The following KIAA0513 variants were observed in gnomAD, a reference collection of about 807,000 sequenced individuals.
KIAA0513 encodes KIAA0513.
KIAA0513 carries 39 observed loss-of-function variants against 56.5 expected under a neutral mutation model. That is an observed-to-expected ratio of 0.69 (90% CI 0.53 to 0.90). KIAA0513 has a LOEUF of 0.90. KIAA0513 is among the 40% of genes least tolerant of loss of function. The pLI, the probability that KIAA0513 is intolerant of heterozygous loss-of-function variation, is 0.00. For synonymous variants in KIAA0513, 268 were observed against 215.6 expected (o/e 1.24, Z -2.13); for missense variants, 591 against 535.2 (o/e 1.10, Z -1.03).
chr16:85,077,667 G>T, intron 6 of KIAA0513, 35 bp downstream of exon 6: 1 of 1,514,850 alleles, frequency 6.6e-7, no homozygotes, highest in Non-Finnish European at 9.0e-7. Context: ...CCACCTGCAG[G>T]GGACTGGGGA....
At chr16:85,040,968 C>T (rs1309028211) in intron 1 of KIAA0513, among the ~76,000 whole-genome samples, 2 of 152,210 alleles carry the variant, frequency 1.3e-5, no homozygotes, top group African/African-American at 4.8e-5. Context: ...CCACCATTTC[C>T]AGGCTCCTCA....
intron 1 of KIAA0513, among the ~76,000 whole-genome samples, chr16:85,062,592 G>C (rs2073422044): frequency 6.6e-6 from 1 of 152,192 alleles, no homozygotes. Context: ...GAACGAAGCA[G>C]ATGGGCTGGG....
intron 3 of KIAA0513, among the ~76,000 whole-genome samples, chr16:85,072,262 A>G (rs568859024): frequency 6.6e-6 from 1 of 152,332 alleles, no homozygotes; most frequent in South Asian, 2.1e-4. Context: ...TTCAAGGGAA[A>G]GAGTAAGAAA....
chr16:85,093,958 ACTCGCGGTG>A lies in KIAA0513; in HGVS notation c.*5637_*5645del, dbSNP rs1282013897. ...ACGCCCTCTGCTTTCTCTTTCCTAG[ACTCGCGGTG>A]CTCACATCCAGACATTACCTTGTTG... is the stretch of plus-strand genomic sequence containing the variant. On this transcript the variant is annotated 3_prime_UTR_variant, in exon 13 of 13. Coordinates refer to ENST00000683363, the MANE Select transcript of KIAA0513 (RefSeq NM_001388359.1). 1.3e-5 allele frequency: 2 copies of A among 151,888 alleles called. No individual in the cohort carries two copies. Among genetic ancestry groups the A allele is most frequent in the African/African-American group, 4.8e-5 (2 of 41,322 alleles). The allele number at this position is 151,888 out of a possible 1,614,324, so 9.4% of individuals were successfully genotyped here. A position where few individuals can be genotyped will look rare whatever the true frequency, so the allele number is the denominator to read the frequency against.
intron 1 of KIAA0513, among the ~76,000 whole-genome samples, chr16:85,029,834 C>G (rs1199902072): frequency 1.3e-5 from 2 of 152,204 alleles, no homozygotes; most frequent in Admixed American, 6.5e-5. Context: ...CATGCAGACT[C>G]TTGGCTGATC....
At chr16:85,050,355 A>ATTTATTTT (rs1420531537) in intron 1 of KIAA0513, among the ~76,000 whole-genome samples, 1 of 54,492 alleles carries the variant, frequency 1.8e-5, no homozygotes, top group East Asian at 3.5e-4. Context: ...TTATTTATTT[A>ATTTATTTT]TTTATTTTTT....
chr16:85,050,512 C>T (rs1480632976), intron 1 of KIAA0513, among the ~76,000 whole-genome samples: 1 of 152,028 alleles, frequency 6.6e-6, no homozygotes, highest in South Asian at 2.1e-4. Flanking sequence ...GACAGGGTTT[C>T]ACCATGTTGG....
At chr16:85,073,211 C>T (rs2144045014) in intron 4 of KIAA0513, among the ~76,000 whole-genome samples, 1 of 152,288 alleles carries the variant, frequency 6.6e-6, no homozygotes. Context: ...TAGCTGGCAG[C>T]GAATGAGAGG....
At chr16:85,074,572 C>A (rs915066862) in intron 4 of KIAA0513, among the ~76,000 whole-genome samples, 3 of 152,150 alleles carry the variant, frequency 2.0e-5, no homozygotes, top group African/African-American at 7.2e-5. Context: ...AGAAGACCAA[C>A]AAAAGGAGTA....
At chr16:85,047,528 T>A (rs936640309) in intron 1 of KIAA0513, among the ~76,000 whole-genome samples, 4 of 152,172 alleles carry the variant, frequency 2.6e-5, no homozygotes, top group African/African-American at 7.2e-5. Flanking sequence ...TTTTTCACCC[T>A]CTTTGGACCA....
chr16:85,070,374 G>C (rs2144031107), intron 2 of KIAA0513, among the ~76,000 whole-genome samples: 1 of 152,076 alleles, frequency 6.6e-6, no homozygotes, highest in Non-Finnish European at 1.5e-5. Context: ...CCAAATATCT[G>C]ACTGTCTCAA....
intron 8 of KIAA0513, among the ~76,000 whole-genome samples, chr16:85,080,907 G>A (rs2073733965): frequency 6.6e-6 from 1 of 152,204 alleles, no homozygotes; most frequent in Admixed American, 6.5e-5. Context: ...GATGTTACTA[G>A]ACCCTGATGT....
chr16:85,058,581 G>A (rs886939306), intron 1 of KIAA0513, among the ~76,000 whole-genome samples: 5 of 151,704 alleles, frequency 3.3e-5, no homozygotes, highest in African/African-American at 1.2e-4. Context: ...GAATCCGGGT[G>A]GCAAAGGTTG....
intron 2 of KIAA0513, 60 bp from the exon 3 acceptor site, chr16:85,071,723 C>T: frequency 1.5e-6 from 2 of 1,358,192 alleles, no homozygotes; most frequent in East Asian, 4.7e-5. Flanking sequence ...TCCCCTGTTG[C>T]TCCAGGGGAT....
intron 2 of KIAA0513, among the ~76,000 whole-genome samples, chr16:85,070,158 G>A (rs1465833061): frequency 2.7e-5 from 4 of 146,856 alleles, no homozygotes; most frequent in Non-Finnish European, 4.5e-5. Context: ...GTGACAAAGG[G>A]AGACCCTGTC....
At chr16:85,088,171 GC>G (rs1259541952) in intron 12 of KIAA0513, 104 bp from the exon 13 acceptor site, 2 of 1,019,718 alleles carry the variant, frequency 2.0e-6, no homozygotes, top group East Asian at 4.8e-5. Flanking sequence ...CTGCAGCCCT[GC>G]TCCCAGGGAG....
At chr16:85,050,547 C>T (rs914998843) in intron 1 of KIAA0513, among the ~76,000 whole-genome samples, 3 of 152,044 alleles carry the variant, frequency 2.0e-5, no homozygotes, top group Non-Finnish European at 2.9e-5. Context: ...AACTCCTGAC[C>T]TCAAGTGATC....
chr16:85,069,537 C>T (rs539099621), intron 2 of KIAA0513, among the ~76,000 whole-genome samples: 1 of 152,128 alleles, frequency 6.6e-6, no homozygotes, highest in East Asian at 1.9e-4. Context: ...GTGCATCAGC[C>T]TGATGTTTCC....
intron 1 of KIAA0513, among the ~76,000 whole-genome samples, chr16:85,060,396 GA>G (rs1207674270): frequency 1.3e-5 from 2 of 152,218 alleles, no homozygotes; most frequent in African/African-American, 4.8e-5. Context: ...GCCTCCCTCA[GA>G]GACACAGGTG....
Sources: allele counts gnomAD v4.1 joint callset (sites outside exome capture counted in the v4.1 genomes callset), GRCh38; gene constraint gnomAD v4.1.1; transcripts MANE v1.5; gene names NCBI Gene and HGNC (gene_info 2026-07-23, HGNC 2026-07-21).